Variants in SIDT1 observed in about 807,000 individuals in gnomAD.
SIDT1 encodes SID1 transmembrane family member 1, also known as SID1 transmembrane family, member 1.
In SIDT1, 101 loss-of-function variants were observed where a neutral mutation model predicts 107.5. The observed-to-expected ratio is 0.94, with a 90% CI of 0.80 to 1.11. The LOEUF (loss-of-function observed/expected upper bound fraction) is 1.11. Among genes scored for constraint, SIDT1 ranks in the 50% least tolerant of loss-of-function variants. SIDT1 has a pLI of 0.00. For synonymous variants in SIDT1, 395 were observed against 398.2 expected (o/e 0.99, Z 0.10); for missense variants, 1,076 against 1,058.2 (o/e 1.02, Z -0.23).
intron 1 of SIDT1, 93 bp downstream of exon 1, chr3:113,533,336 G>A: frequency 1.0e-6 from 1 of 1,000,594 alleles, no homozygotes; most frequent in Non-Finnish European, 1.4e-6. Context: ...TTGACCTTGG[G>A]AGACTTCGGG....
intron 19 of SIDT1, 196 bp from the exon 20 acceptor site, chr3:113,615,904 C>T: frequency 6.6e-6 from 4 of 608,188 alleles, no homozygotes; most frequent in Non-Finnish European, 8.9e-6. Context: ...GTGTAATGCA[C>T]AGATATGGCA....
At chr3:113,626,052 A>G (rs755528191) in intron 23 of SIDT1, 50 bp from the exon 24 acceptor site, 1 of 1,273,168 alleles carries the variant, frequency 7.9e-7, no homozygotes, top group Non-Finnish European at 1.1e-6. Flanking sequence ...AACTCTTTGA[A>G]CAGTTGAACT....
chr3:113,585,683 T>C lies in SIDT1; in HGVS notation c.1001+413T>C, dbSNP rs559099846. 2.6e-5 allele frequency among the ~76,000 whole-genome samples: 4 copies of C among 152,302 alleles called. No individual in the cohort carries two copies. In the South Asian group the frequency reaches 8.3e-4, roughly 32 times the overall value. On this transcript the variant is annotated intron_variant, in intron 9 of 24. Transcript: ENST00000264852. Reference sequence around the variant, plus strand: ...ACATTCTAACAAAAAGTAAATGTAATGCCTAAAATAAATCTTGAGGTGCAA... The same window carrying C: ...ACATTCTAACAAAAAGTAAATGTAACGCCTAAAATAAATCTTGAGGTGCAA...
At chr3:113,541,873 A>T (rs949930736) in intron 1 of SIDT1, among the ~76,000 whole-genome samples, 40 of 148,938 alleles carry the variant, frequency 2.7e-4, no homozygotes, top group Admixed American at 6.7e-5. Flanking sequence ...TTTCTTTAAA[A>T]TCCAGTAGTT....
In SIDT1 at chr3:113,629,283, C is replaced by T. The variant is rs1947041347; in HGVS notation, c.*1575C>T. ...TTTTTTTAAAGTCCCCAAATGTGTA[C>T]TTAGCCTTCTGTTATTCCTTATTCT... On this transcript the variant is annotated 3_prime_UTR_variant, in exon 25 of 25. Transcript: ENST00000264852. The T allele has an allele frequency of 6.6e-6, 1 of 152,170 alleles. No individual in the cohort carries two copies. Among genetic ancestry groups the T allele is most frequent in the African/African-American group, 2.4e-5 (1 of 41,438 alleles). 9.4% of individuals were successfully genotyped at this position (152,170 alleles called of 1,614,324 possible).
the SIDT1 span, among the ~76,000 whole-genome samples, chr3:113,635,777 G>T: frequency 1.3e-5 from 2 of 151,658 alleles, no homozygotes; most frequent in Non-Finnish European, 2.9e-5. Flanking sequence ...TGAGGCAGGG[G>T]AATTGCTTGA....
At chr3:113,533,887 G>T (rs551635850) in intron 1 of SIDT1, among the ~76,000 whole-genome samples, 49 of 152,322 alleles carry the variant, frequency 3.2e-4, no homozygotes, top group African/African-American at 1.1e-3. Flanking sequence ...AATAAGGATG[G>T]ATAATTGTGT....
chr3:113,636,966 T>C, the SIDT1 span, among the ~76,000 whole-genome samples: 1 of 152,074 alleles, frequency 6.6e-6, no homozygotes, highest in Non-Finnish European at 1.5e-5. Flanking sequence ...ATAACAACAA[T>C]AAACAGGTAA....
chr3:113,626,734 C>G (rs929882135), intron 24 of SIDT1, among the ~76,000 whole-genome samples: 2 of 152,178 alleles, frequency 1.3e-5, no homozygotes, highest in African/African-American at 2.4e-5. Flanking sequence ...TTGCCCCAAC[C>G]CTTTCTCAGA....
At chr3:113,581,144 T>C (rs1943303077) in intron 5 of SIDT1, among the ~76,000 whole-genome samples, 1 of 152,204 alleles carries the variant, frequency 6.6e-6, no homozygotes, top group Non-Finnish European at 1.5e-5. Context: ...TTTATAGTTC[T>C]CTTCAATATA....
At chr3:113,603,892 T>C (rs1201343289) in intron 12 of SIDT1, 68 bp from the exon 13 acceptor site, 2 of 977,608 alleles carry the variant, frequency 2.0e-6, no homozygotes, top group African/African-American at 3.3e-5. Flanking sequence ...TTTGTTATGT[T>C]TGCCTTTGTA....
intron 10 of SIDT1, among the ~76,000 whole-genome samples, chr3:113,594,005 A>G (rs1576889675): frequency 6.6e-6 from 1 of 152,344 alleles, no homozygotes; most frequent in South Asian, 2.1e-4. Context: ...GTTATTTGGC[A>G]TAGAGCAAGA....
At chr3:113,538,444 C>T (rs908025286) in intron 1 of SIDT1, among the ~76,000 whole-genome samples, 3 of 152,152 alleles carry the variant, frequency 2.0e-5, no homozygotes, top group African/African-American at 7.2e-5. Context: ...TGAAATGTGA[C>T]TAGTCTGAAT....
chr3:113,630,099 G>C (rs1223049350), downstream of SIDT1, among the ~76,000 whole-genome samples: 1 of 152,264 alleles, frequency 6.6e-6, no homozygotes, highest in Admixed American at 6.5e-5. Flanking sequence ...TGGGTTCATG[G>C]ACTTCACTCT....
At position 113,566,443 on chromosome 3, in the gene SIDT1, G is replaced by A; in HGVS notation, c.246G>A (p.Val82=). The A allele has an allele frequency of 1.2e-6, 2 of 1,614,078 alleles. No individual in the cohort carries two copies. The highest frequency in any genetic ancestry group is 1.7e-5 in the Admixed American group (1 of 60,016). The part of the protein sequence containing the change: ...PDQVTAVRVY[V]NSSSENLNYP... ...AGGTGACAGCCGTGAGGGTGTATGT[G>A]AACAGTTCCTCTGAGAATCTCAACT... The change falls in exon 2 of 25, where the codon GTG becomes GTA. Residue 82 remains valine (V), a synonymous_variant. Transcript: ENST00000264852.
chr3:113,546,986 C>T (rs1939665653), intron 1 of SIDT1, among the ~76,000 whole-genome samples: 1 of 152,112 alleles, frequency 6.6e-6, no homozygotes, highest in Non-Finnish European at 1.5e-5. Context: ...CCTCACTATG[C>T]TTTCTGCTTA....
chr3:113,589,364 C>T (rs1943971437), intron 9 of SIDT1, among the ~76,000 whole-genome samples: 1 of 152,110 alleles, frequency 6.6e-6, no homozygotes, highest in Admixed American at 6.6e-5. Context: ...CTAGTGCAAA[C>T]TTGGGTAAAG....
chr3:113,567,913 T>C (rs1942072735), intron 3 of SIDT1: 1 of 499,120 alleles, frequency 2.0e-6, no homozygotes, highest in Non-Finnish European at 3.5e-6. Flanking sequence ...AAGGTAAGAG[T>C]GGTTGACCTC....
At position 113,623,531 on chromosome 3, in the gene SIDT1, A is replaced by C. The variant is rs1278610225; in HGVS notation, c.2195A>C (p.Lys732Thr). 3 of 1,612,764 alleles carry C rather than the reference A, an allele frequency of 1.9e-6. No homozygotes were observed. In the Admixed American group the frequency reaches 5.0e-5, roughly 27 times the overall value. ...TACCTGGCCTTTTACATCATCATGA[A>C]GGTAAGAGCGGGTGCCGGGAGCGGC... ...LLYLAFYIIM[K>T]LRSSEKVLPV... The change falls in exon 22 of 25, where the codon AAG (lysine) becomes ACG (threonine). Residue 732 changes from lysine to threonine, a missense_variant and splice_region_variant. By Grantham distance (78) the Lys-to-Thr change is moderately conservative. Transcript: ENST00000264852.
Sources: allele counts gnomAD v4.1 joint callset (sites outside exome capture counted in the v4.1 genomes callset), GRCh38; gene constraint gnomAD v4.1.1; transcripts MANE v1.5; gene names NCBI Gene and HGNC (gene_info 2026-07-23, HGNC 2026-07-21).